Variants in DYNC2I2 observed in about 807,000 individuals in gnomAD.
DYNC2I2 encodes the protein dynein 2 intermediate chain 2.
DYNC2I2 carries 39 observed loss-of-function variants against 52.0 expected under a neutral mutation model. The observed-to-expected ratio is 0.75, with a 90% CI of 0.58 to 0.98. DYNC2I2 has a LOEUF of 0.98. DYNC2I2 is among the 50% of genes least tolerant of loss of function. The pLI, the probability that DYNC2I2 is intolerant of heterozygous loss-of-function variation, is 0.00. For synonymous variants in DYNC2I2, 359 were observed against 321.1 expected, an observed-to-expected ratio of 1.12 and a Z score of -1.26; for missense variants, 743 against 728.4, an observed-to-expected ratio of 1.02 and a Z score of -0.23.
chr9:128,653,880 G>A (rs184420411), intron 1 of DYNC2I2, among the ~76,000 whole-genome samples: 1 of 151,074 alleles, frequency 6.6e-6, no homozygotes, highest in East Asian at 2.0e-4. Context: ...GCGTGGTGGC[G>A]GGTGCCTGTA....
At chr9:128,658,954 C>T (rs1860886470), upstream of DYNC2I2, among the ~76,000 whole-genome samples, 1 of 151,826 alleles carries the variant, frequency 6.6e-6, no homozygotes. Flanking sequence ...TGGTCTCGAA[C>T]TCCTGGGTTC....
In DYNC2I2 at chr9:128,634,906, T is replaced by G. The variant is rs557390675; in HGVS notation, c.997A>C (p.Thr333Pro). ...TKLKKHPRGETEVGATAVAFS... is the reference protein window; with the variant it reads ...TKLKKHPRGEPEVGATAVAFS... ...GCCACTGCCGTGGCGCCCACCTCGG[T>G]CTCCCCGCGGGGATGCTGTGGAGAA... Residue 333 changes from threonine to proline, a missense_variant, in exon 7 of 9, where the codon ACC (threonine) becomes CCC (proline). Thr to Pro is a conservative substitution (Grantham distance 38). Coordinates refer to ENST00000372715, the MANE Select transcript of DYNC2I2 (RefSeq NM_052844.4). The G allele has an allele frequency of 1.9e-6, 3 of 1,612,550 alleles. No individual in the cohort carries two copies. The highest frequency in any genetic ancestry group is 2.5e-6 in the Non-Finnish European group (3 of 1,179,836).
In DYNC2I2 at chr9:128,633,714, C is replaced by T. The variant is rs765853252; in HGVS notation, c.*30G>A. On this transcript the variant is annotated 3_prime_UTR_variant, in exon 9 of 9. Transcript: ENST00000372715. The stretch of plus-strand genomic sequence containing the variant: ...GTCAGAAACACAAGGCTCGGCACAG[C>T]GAAGGCTTGCACCCGCCTCCCGGGA... 2.8e-5 allele frequency: 44 copies of T among 1,595,976 alleles called. No homozygotes were observed. Among genetic ancestry groups the T allele is most frequent in the Middle Eastern group, 2.2e-4 (1 of 4,586 alleles).
At chr9:128,634,510 G>A in intron 7 of DYNC2I2, 127 bp from the exon 8 acceptor site, 3 of 1,367,200 alleles carry the variant, frequency 2.2e-6, no homozygotes, top group Non-Finnish European at 3.0e-6. Context: ...TCAGCCTGGA[G>A]TTGGTCCTCT....
intron 4 of DYNC2I2, 193 bp from the exon 5 acceptor site, chr9:128,635,960 G>A (rs1434866859): frequency 3.0e-6 from 2 of 673,214 alleles, no homozygotes; most frequent in Non-Finnish European, 5.2e-6. Context: ...AGCTTTGCCG[G>A]ACACCCCTGC....
At chr9:128,642,379 C>T (rs1860530729) in intron 1 of DYNC2I2, among the ~76,000 whole-genome samples, 1 of 150,102 alleles carries the variant, frequency 6.7e-6, no homozygotes, top group Non-Finnish European at 1.5e-5. Context: ...CTGCTTGAAC[C>T]CGGGAGGCGG....
At chr9:128,681,632 T>G in the DYNC2I2 span, among the ~76,000 whole-genome samples, 15 of 152,286 alleles carry the variant, frequency 9.8e-5, no homozygotes, top group Non-Finnish European at 2.2e-4. Context: ...TCAGCTTGGG[T>G]AGTCTTGGCA....
chr9:128,677,427 G>A, the DYNC2I2 span, among the ~76,000 whole-genome samples: 1 of 151,564 alleles, frequency 6.6e-6, no homozygotes, highest in African/African-American at 2.4e-5. Context: ...AGATGTTGTA[G>A]TGAGCTGAAA....
chr9:128,635,604 C>T, intron 5 of DYNC2I2, 54 bp downstream of exon 5: 1 of 1,497,700 alleles, frequency 6.7e-7, no homozygotes, highest in Non-Finnish European at 9.1e-7. Flanking sequence ...GAGTGGGCGC[C>T]CTCTCCCCAG....
chr9:128,639,264 G>A (rs1265301196), intron 2 of DYNC2I2, among the ~76,000 whole-genome samples: 1 of 151,790 alleles, frequency 6.6e-6, no homozygotes, highest in Non-Finnish European at 1.5e-5. Flanking sequence ...CGGGCGTGGT[G>A]GCGGGTGCCT....
chr9:128,680,478 C>T, the DYNC2I2 span, among the ~76,000 whole-genome samples: 3 of 149,846 alleles, frequency 2.0e-5, no homozygotes, highest in Admixed American at 6.6e-5. Flanking sequence ...CCTGGGTTCA[C>T]GCCATTGTCC....
chr9:128,680,832 G>A, the DYNC2I2 span, among the ~76,000 whole-genome samples: 2 of 149,330 alleles, frequency 1.3e-5, no homozygotes, highest in African/African-American at 2.5e-5. Context: ...GTGCCACCAC[G>A]CCCAGCTAAT....
intron 1 of DYNC2I2, among the ~76,000 whole-genome samples, chr9:128,641,644 T>C (rs1459534240): frequency 3.9e-5 from 6 of 152,164 alleles, no homozygotes; most frequent in Admixed American, 3.9e-4. Context: ...TGATTGCTGC[T>C]ATCTGTGAGG....
At chr9:128,670,752 GA>G in the DYNC2I2 span, among the ~76,000 whole-genome samples, 74 of 144,948 alleles carry the variant, frequency 5.1e-4, no homozygotes, top group Middle Eastern at 3.5e-3. Context: ...AACAACAAAA[GA>G]AAAAAAAAAA....
upstream of DYNC2I2, among the ~76,000 whole-genome samples, chr9:128,660,204 G>C (rs566263424): frequency 3.7e-3 from 557 of 152,068 alleles, 7 homozygotes; most frequent in African/African-American, 0.013. Context: ...CGCCTCCCGG[G>C]TTCACGCCGT....
At chr9:128,638,874 C>T (rs1860461103) in intron 2 of DYNC2I2, among the ~76,000 whole-genome samples, 1 of 152,182 alleles carries the variant, frequency 6.6e-6, no homozygotes, top group Non-Finnish European at 1.5e-5. Flanking sequence ...AACGCAGCAC[C>T]AACCCAAGCC....
At chr9:128,669,382 TA>T in the DYNC2I2 span, among the ~76,000 whole-genome samples, 1 of 150,710 alleles carries the variant, frequency 6.6e-6, no homozygotes, top group Admixed American at 6.6e-5. Context: ...TTTAAGAAAT[TA>T]AAAAAAATTT....
chr9:128,670,646 G>A, the DYNC2I2 span, among the ~76,000 whole-genome samples: 2 of 151,250 alleles, frequency 1.3e-5, no homozygotes, highest in East Asian at 2.0e-4. Flanking sequence ...TGAAGCAGGA[G>A]AATTGCTTGA....
the DYNC2I2 span, among the ~76,000 whole-genome samples, chr9:128,672,121 C>T: frequency 6.6e-6 from 1 of 151,442 alleles, no homozygotes. Flanking sequence ...CTACAGGCGC[C>T]CACCTGCATG....
Sources: allele counts gnomAD v4.1 joint callset (sites outside exome capture counted in the v4.1 genomes callset), GRCh38; gene constraint gnomAD v4.1.1; transcripts MANE v1.5; gene names NCBI Gene and HGNC (gene_info 2026-07-23, HGNC 2026-07-21).